RBPJ: variants seen among roughly 807,000 people sequenced by gnomAD.
RBPJ encodes the protein recombination signal binding protein for immunoglobulin kappa J region, also known as recombining binding protein suppressor of hairless.
Under a neutral mutation model 67.8 loss-of-function variants are expected in RBPJ, and 9 were observed. That is an observed-to-expected ratio of 0.13 (90% CI 0.08 to 0.23). The LOEUF is 0.23. RBPJ is among the 10% of genes least tolerant of loss of function. The pLI is 1.00. For missense variants in RBPJ, 305 were observed against 595.6 expected (o/e 0.51, Z 5.08); for synonymous variants, 198 against 203.3 (o/e 0.97, Z 0.22).
At chr4:26,325,963 A>C (rs1324413715) in intron 1 of RBPJ, among the ~76,000 whole-genome samples, 1 of 152,198 alleles carries the variant, frequency 6.6e-6, no homozygotes, top group African/African-American at 2.4e-5. Context: ...CATGATACTA[A>C]GTTGTAATTA....
intron 1 of RBPJ, among the ~76,000 whole-genome samples, chr4:26,256,835 G>A (rs1720358052): frequency 6.6e-6 from 1 of 152,184 alleles, no homozygotes; most frequent in African/African-American, 2.4e-5. Flanking sequence ...TAACAATGAA[G>A]CGAAACTCAG....
rs1409274897 is a variant in RBPJ, at chr4:26,424,765, A to C, written c.747+22A>C. ...ATTGGTATGGCTCTACTTTTGCTTT[A>C]GTGATAATGTGAAGTAAAAATTAAT... On this transcript the variant is annotated intron_variant, in intron 7 of 10. Coordinates refer to ENST00000355476, the MANE Select transcript of RBPJ (RefSeq NM_015874.6). The surrounding 1 kb of genome is among the most constrained non-coding windows in gnomAD (Gnocchi z 5.3). The C allele has an allele frequency of 3.7e-6, 5 of 1,369,330 alleles. No homozygotes were observed. The South Asian group carries it at 6.2e-5, about 17-fold the overall frequency. The allele number at this position is 1,369,330 out of a possible 1,614,324, so 84.8% of individuals were successfully genotyped here.
intron 1 of RBPJ, among the ~76,000 whole-genome samples, chr4:26,381,929 A>G (rs1164758629): frequency 6.6e-6 from 1 of 152,176 alleles, no homozygotes. Context: ...AGATATTGAC[A>G]GTCTATACTT....
chr4:26,221,294 G>A (rs906108064), intron 1 of RBPJ, among the ~76,000 whole-genome samples: 8 of 152,172 alleles, frequency 5.3e-5, no homozygotes, highest in Non-Finnish European at 8.8e-5. Context: ...GTTTCACCGT[G>A]TTAGCCAGGA....
At chr4:26,156,050 A>C in the RBPJ span, among the ~76,000 whole-genome samples, 750 of 152,326 alleles carry the variant, frequency 4.9e-3, 3 homozygotes, top group Middle Eastern at 0.01. Context: ...TCTGACATAA[A>C]CAACTTGTTA....
chr4:26,259,722 A>G (rs191755134), intron 1 of RBPJ, among the ~76,000 whole-genome samples: 32 of 152,316 alleles, frequency 2.1e-4, no homozygotes, highest in Non-Finnish European at 1.9e-4. Context: ...GGTGTTGGCT[A>G]TTGTCTCTGC....
chr4:26,144,737 C>A, the RBPJ span, among the ~76,000 whole-genome samples: 2 of 152,182 alleles, frequency 1.3e-5, no homozygotes, highest in East Asian at 3.9e-4. Flanking sequence ...AATATGTTTT[C>A]TTTTGTTGTT....
intron 1 of RBPJ, among the ~76,000 whole-genome samples, chr4:26,345,407 T>G (rs1726024937): frequency 6.6e-6 from 1 of 152,210 alleles, no homozygotes; most frequent in Non-Finnish European, 1.5e-5. Context: ...AAATATTATT[T>G]CCAGCAAACA....
chr4:26,257,129 C>T (rs1270967279), intron 1 of RBPJ, among the ~76,000 whole-genome samples: 1 of 152,176 alleles, frequency 6.6e-6, no homozygotes, highest in African/African-American at 2.4e-5. Context: ...GTATCAGGTA[C>T]TATACTATAT....
intron 1 of RBPJ, among the ~76,000 whole-genome samples, chr4:26,166,546 C>CCCACT (rs1174814538): frequency 6.6e-6 from 1 of 151,058 alleles, no homozygotes; most frequent in Non-Finnish European, 1.5e-5. Context: ...ATATCCTTTG[C>CCCACT]CCACTTTTTG....
intron 1 of RBPJ, among the ~76,000 whole-genome samples, chr4:26,294,066 GTTTTTGTTTTTGTTT>G (rs1479725523): frequency 1.3e-4 from 2 of 15,146 alleles, no homozygotes; most frequent in African/African-American, 1.0e-3. Context: ...CCAGGAAGTT[GTTTTTGTTTTTGTTT>G]TTGTTTTTGT....
chr4:26,308,123 A>AC (rs1722297978), intron 1 of RBPJ, among the ~76,000 whole-genome samples: 1 of 152,180 alleles, frequency 6.6e-6, no homozygotes, highest in Non-Finnish European at 1.5e-5. Context: ...AAAAATACAA[A>AC]AAATTAGCCG....
chr4:26,362,701 A>C (rs1728202686), intron 1 of RBPJ: 1 of 1,183,976 alleles, frequency 8.4e-7, no homozygotes, highest in Admixed American at 1.9e-5. Context: ...GTATTTAGTT[A>C]ATGCATATTT....
At chr4:26,109,454 CTCTCTCTATA>C in the RBPJ span, among the ~76,000 whole-genome samples, 43 of 21,080 alleles carry the variant, frequency 2.0e-3, 4 homozygotes, top group African/African-American at 9.6e-3. Context: ...CTCTCTCTCT[CTCTCTCTATA>C]TATATATATA....
At chr4:26,279,572 G>A (rs929656596) in intron 1 of RBPJ, among the ~76,000 whole-genome samples, 5 of 152,102 alleles carry the variant, frequency 3.3e-5, no homozygotes, top group Non-Finnish European at 2.9e-5. Flanking sequence ...CACCACGCCC[G>A]GCCTGTTTGA....
chr4:26,398,535 A>T (rs1157892671), intron 2 of RBPJ, among the ~76,000 whole-genome samples: 1 of 152,200 alleles, frequency 6.6e-6, no homozygotes, highest in African/African-American at 2.4e-5. Context: ...CTATGGATTA[A>T]ATGTACACTT....
intron 1 of RBPJ, among the ~76,000 whole-genome samples, chr4:26,184,896 C>T (rs571105766): frequency 1.3e-5 from 2 of 152,238 alleles, no homozygotes; most frequent in South Asian, 2.1e-4. Context: ...AATCCCAGCA[C>T]TTTGGGAGGC....
chr4:26,148,808 C>T, the RBPJ span, among the ~76,000 whole-genome samples: 20 of 152,164 alleles, frequency 1.3e-4, no homozygotes, highest in African/African-American at 4.8e-4. Flanking sequence ...AGTCCCAAAC[C>T]ACAGGTCTGT....
the RBPJ span, among the ~76,000 whole-genome samples, chr4:26,153,464 T>C: frequency 6.6e-6 from 1 of 152,198 alleles, no homozygotes; most frequent in Non-Finnish European, 1.5e-5. Context: ...AAGATTACTG[T>C]ACACTGTATT....
Sources: allele counts gnomAD v4.1 joint callset (sites outside exome capture counted in the v4.1 genomes callset), GRCh38; gene constraint gnomAD v4.1.1; non-coding constraint Gnocchi (gnomAD v3.1); transcripts MANE v1.5; gene names NCBI Gene and HGNC (gene_info 2026-07-23, HGNC 2026-07-21).